The following LYN variants were observed in gnomAD, a reference collection of about 807,000 sequenced individuals.
LYN encodes LYN proto-oncogene, Src family tyrosine kinase.
LYN carries 12 observed loss-of-function variants against 65.0 expected under a neutral mutation model. The ratio of observed to expected loss-of-function variants is 0.18; its 90% confidence interval spans 0.12 to 0.30. LYN has a LOEUF of 0.30. Ranked by LOEUF, LYN falls within the 10% of genes least tolerant of loss-of-function variation. The pLI, the probability that LYN is intolerant of heterozygous loss-of-function variation, is 1.00. For synonymous variants in LYN, 222 were observed against 221.2 expected, an observed-to-expected ratio of 1.00 and a Z score of -0.03; for missense variants, 380 against 623.2, an observed-to-expected ratio of 0.61 and a Z score of 4.16.
chr8:55,897,149 C>T (rs1237747610), intron 1 of LYN, among the ~76,000 whole-genome samples: 1 of 152,184 alleles, frequency 6.6e-6, no homozygotes, highest in Non-Finnish European at 1.5e-5. Context: ...CCACAGGTAT[C>T]TTCTGATTGA....
chr8:55,913,110 A>T (rs1407753570), intron 1 of LYN, among the ~76,000 whole-genome samples: 1 of 152,212 alleles, frequency 6.6e-6, no homozygotes, highest in South Asian at 2.1e-4. Context: ...AACTGGCCTC[A>T]TATCCAAAAA....
Position 56,013,298 on chromosome 8 carries a change from A to C in LYN, c.*3188A>C, listed in dbSNP as rs918354408. ...TTTTTTTTTTTTTTGACAGAGTCTC[A>C]CTCTGTCACGCAGGCTAGAGTTGCA... is the stretch of plus-strand genomic sequence containing the variant. On this transcript the variant is annotated 3_prime_UTR_variant, in exon 13 of 13. Transcript: ENST00000519728. The C allele has an allele frequency of 7.4e-6, 1 of 135,556 alleles. No homozygotes were observed. The highest frequency in any genetic ancestry group is 7.6e-5 in the Admixed American group (1 of 13,076). The allele number at this position is 135,556 out of a possible 1,614,324, so 8.4% of individuals were successfully genotyped here.
At chr8:55,884,297 G>A (rs1804728777) in intron 1 of LYN, among the ~76,000 whole-genome samples, 1 of 152,130 alleles carries the variant, frequency 6.6e-6, no homozygotes, top group Non-Finnish European at 1.5e-5. Context: ...TAGAAATGGG[G>A]TTTCATCATG....
At chr8:55,973,722 G>C (rs1807671442) in intron 10 of LYN, among the ~76,000 whole-genome samples, 1 of 152,180 alleles carries the variant, frequency 6.6e-6, no homozygotes, top group Non-Finnish European at 1.5e-5. Flanking sequence ...TTTGGTGGCG[G>C]TATCTCTGAA....
chr8:56,007,037 T>A, intron 12 of LYN, among the ~76,000 whole-genome samples: 1 of 152,188 alleles, frequency 6.6e-6, no homozygotes, highest in East Asian at 1.9e-4. Context: ...TCGAGAGTCC[T>A]TCAGAGCTAG....
At chr8:55,918,781 T>C (rs73606851) in intron 1 of LYN, among the ~76,000 whole-genome samples, 4,002 of 152,192 alleles carry the variant, frequency 0.026, 102 homozygotes, top group African/African-American at 0.066. Context: ...ACCCCACCAC[T>C]GGGCCAGCCA....
chr8:55,895,165 C>T (rs1241255356), intron 1 of LYN, among the ~76,000 whole-genome samples: 2 of 152,070 alleles, frequency 1.3e-5, no homozygotes, highest in African/African-American at 2.4e-5. Flanking sequence ...TGATGCTTGG[C>T]ATCTCTGCGT....
chr8:55,987,475 G>C (rs1392394079), intron 10 of LYN, among the ~76,000 whole-genome samples: 1 of 152,098 alleles, frequency 6.6e-6, no homozygotes, highest in Non-Finnish European at 1.5e-5. Flanking sequence ...CTGTTGCCCA[G>C]GATGGAGTGC....
At chr8:56,006,974 T>C (rs1808690196) in intron 12 of LYN, among the ~76,000 whole-genome samples, 1 of 152,330 alleles carries the variant, frequency 6.6e-6, no homozygotes, top group Non-Finnish European at 1.5e-5. Context: ...ATTCTTCTTA[T>C]CAAGTCGAAT....
At chr8:55,909,038 CA>C (rs1401098345) in intron 1 of LYN, among the ~76,000 whole-genome samples, 10,014 of 63,914 alleles carry the variant, frequency 0.16, 1,655 homozygotes, top group East Asian at 0.21. Context: ...CACACACACA[CA>C]CACACACACA....
rs553654540 is a variant in LYN, at chr8:55,902,885, G to A, written c.-6+22782G>A. On this transcript the variant is annotated intron_variant, in intron 1 of 12. Coordinates refer to ENST00000519728, the MANE Select transcript of LYN (RefSeq NM_002350.4). The stretch of plus-strand genomic sequence containing the variant: ...TTTTTTGGAGACGGAGTCTCTCTTT[G>A]TTGCCCAGGCTGGAGTGCAGCGGCG... The A allele has an allele frequency of 9.0e-4, 360 of 401,624 alleles. 2 individuals are homozygous for A. Among genetic ancestry groups the A allele is most frequent in the African/African-American group, 6.6e-3 (311 of 46,930 alleles). The allele number at this position is 401,624 out of a possible 1,614,324, so 24.9% of individuals were successfully genotyped here.
At chr8:55,911,287 T>TATATATATATATA (rs1563506834) in intron 1 of LYN, among the ~76,000 whole-genome samples, 1 of 25,656 alleles carries the variant, frequency 3.9e-5, no homozygotes, top group Non-Finnish European at 9.5e-5. Flanking sequence ...ATATATATAT[T>TATATATATATATA]TTTTTTTTTT....
chr8:55,999,836 T>G (rs1403956962), intron 12 of LYN, among the ~76,000 whole-genome samples: 1 of 151,942 alleles, frequency 6.6e-6, no homozygotes, highest in Non-Finnish European at 1.5e-5. Context: ...CCAGGCATGG[T>G]GACGCATGCC....
chr8:55,986,196 A>T (rs1168884083), intron 10 of LYN, among the ~76,000 whole-genome samples: 1 of 123,922 alleles, frequency 8.1e-6, no homozygotes, highest in Non-Finnish European at 1.9e-5. Flanking sequence ...CCCCCCCGCA[A>T]AAAAAAACGC....
intron 12 of LYN, among the ~76,000 whole-genome samples, chr8:56,007,728 T>C (rs1480373562): frequency 2.0e-5 from 3 of 152,260 alleles, no homozygotes; most frequent in African/African-American, 4.8e-5. Context: ...ACCTACTCTG[T>C]ACATAAAGCA....
intron 1 of LYN, among the ~76,000 whole-genome samples, chr8:55,936,025 G>T (rs1215940694): frequency 6.6e-6 from 1 of 152,162 alleles, no homozygotes; most frequent in Non-Finnish European, 1.5e-5. Flanking sequence ...CGAAAGTAAA[G>T]TAAGAAGGAC....
chr8:55,920,218 G>C (rs1759955236), intron 1 of LYN, among the ~76,000 whole-genome samples: 1 of 152,146 alleles, frequency 6.6e-6, no homozygotes, highest in South Asian at 2.1e-4. Context: ...AGTGAAGAGA[G>C]GGATAGAATT....
intron 10 of LYN, among the ~76,000 whole-genome samples, chr8:55,992,928 C>T (rs778630152): frequency 2.6e-5 from 4 of 152,242 alleles, no homozygotes; most frequent in East Asian, 1.9e-4. Context: ...CCTCTTAATA[C>T]GATTGCATTG....
chr8:56,006,067 G>A (rs1405183895), intron 12 of LYN, among the ~76,000 whole-genome samples: 4 of 152,154 alleles, frequency 2.6e-5, no homozygotes, highest in Non-Finnish European at 5.9e-5. Flanking sequence ...CTGGGCAACA[G>A]AGTGAGACCC....
Sources: allele counts gnomAD v4.1 joint callset (sites outside exome capture counted in the v4.1 genomes callset), GRCh38; gene constraint gnomAD v4.1.1; transcripts MANE v1.5; gene names NCBI Gene and HGNC (gene_info 2026-07-23, HGNC 2026-07-21).